ZNF609: variants seen among roughly 807,000 people sequenced by gnomAD.
ZNF609 encodes the protein zinc finger protein 609.
Under a neutral mutation model 109.5 loss-of-function variants are expected in ZNF609, and 11 were observed. That is an observed-to-expected ratio of 0.10 (90% CI 0.06 to 0.17). ZNF609 has a LOEUF of 0.17. Ranked by LOEUF, ZNF609 falls within the 10% of genes least tolerant of loss-of-function variation. The pLI is 1.00. For synonymous variants in ZNF609, 646 were observed against 662.0 expected, an observed-to-expected ratio of 0.98 and a Z score of 0.37; for missense variants, 1,559 against 1,772.4, an observed-to-expected ratio of 0.88 and a Z score of 2.16.
intron 2 of ZNF609, among the ~76,000 whole-genome samples, chr15:64,570,190 C>T (rs1345419622): frequency 6.6e-6 from 1 of 152,204 alleles, no homozygotes; most frequent in Non-Finnish European, 1.5e-5. Context: ...CCACTTTATA[C>T]ATGAGCATAG....
rs557854690 is a variant in ZNF609, at chr15:64,624,228, A to AG, written c.973+1177dup. Among the ~76,000 whole-genome samples the AG allele has an allele frequency of 2.4e-3, 365 of 152,314 alleles. 2 individuals are homozygous for AG. The highest frequency in any genetic ancestry group is 8.5e-3 in the African/African-American group (352 of 41,564). The stretch of plus-strand genomic sequence containing the variant: ...CTAATGAGGTTTTATTGTGTGCCTG[A>AG]GTGGTAGAAGCTGATGCAGAGAAGG... On this transcript the variant is annotated intron_variant, in intron 3 of 9. Transcript: ENST00000326648.
At chr15:64,484,810 C>G (rs968911704) in intron 1 of ZNF609, among the ~76,000 whole-genome samples, 10 of 150,792 alleles carry the variant, frequency 6.6e-5, no homozygotes, top group African/African-American at 2.4e-4. Context: ...CCCATCTCTA[C>G]TAAAAATACA....
intron 2 of ZNF609, among the ~76,000 whole-genome samples, chr15:64,600,410 A>G (rs1895475673): frequency 6.9e-6 from 1 of 145,040 alleles, no homozygotes; most frequent in Non-Finnish European, 1.5e-5. Flanking sequence ...AGAATGCGCC[A>G]CTGCACTCCA....
chr15:64,513,238 C>T (rs1290497213), intron 2 of ZNF609, among the ~76,000 whole-genome samples: 1 of 152,104 alleles, frequency 6.6e-6, no homozygotes, highest in Non-Finnish European at 1.5e-5. Context: ...TACAAAGTGA[C>T]TACACATTTA....
chr15:64,610,799 C>G (rs1026667109), intron 2 of ZNF609, among the ~76,000 whole-genome samples: 2 of 152,132 alleles, frequency 1.3e-5, no homozygotes, highest in African/African-American at 4.8e-5. Context: ...CTCATGTTTT[C>G]TCACAGGACT....
At chr15:64,634,252 T>C (rs1439633892) in intron 3 of ZNF609, among the ~76,000 whole-genome samples, 1 of 152,160 alleles carries the variant, frequency 6.6e-6, no homozygotes, top group East Asian at 1.9e-4. Context: ...ACTCTGTGGT[T>C]GAGCCCTTTG....
chr15:64,538,403 A>T (rs1277760344), intron 2 of ZNF609, among the ~76,000 whole-genome samples: 1 of 152,220 alleles, frequency 6.6e-6, no homozygotes, highest in Non-Finnish European at 1.5e-5. Flanking sequence ...TTTAGTTTAT[A>T]GACTGGTTTA....
rs573756229 is a variant in ZNF609, at chr15:64,573,284, A to C, written c.748-49543A>C. 3.3e-5 allele frequency among the ~76,000 whole-genome samples: 5 copies of C among 149,804 alleles called. No homozygotes were observed. In the South Asian group the frequency reaches 8.5e-4, roughly 25 times the overall value. On this transcript the variant is annotated intron_variant, in intron 2 of 9. Coordinates refer to ENST00000326648, the MANE Select transcript of ZNF609 (RefSeq NM_015042.2). ...CCCATGGAATACTTTCCATTAAATC[A>C]TAATCTGTATTTTCAAAAAGCAGTG... is the stretch of plus-strand genomic sequence containing the variant.
intron 3 of ZNF609, among the ~76,000 whole-genome samples, chr15:64,634,302 A>G (rs1042449947): frequency 2.0e-5 from 3 of 152,126 alleles, no homozygotes; most frequent in Admixed American, 6.5e-5. Flanking sequence ...TATCAGAGTA[A>G]TAGGCTATGG....
chr15:64,633,025 C>T (rs933651967), intron 3 of ZNF609, among the ~76,000 whole-genome samples: 9 of 151,746 alleles, frequency 5.9e-5, no homozygotes, highest in Non-Finnish European at 1.3e-4. Context: ...CTCTAGCAAT[C>T]GTCCTGCCTC....
At chr15:64,538,847 T>C (rs1479806971) in intron 2 of ZNF609, among the ~76,000 whole-genome samples, 1 of 151,984 alleles carries the variant, frequency 6.6e-6, no homozygotes, top group East Asian at 1.9e-4. Flanking sequence ...GCTGGACTGG[T>C]TTTATTTTTT....
intron 2 of ZNF609, among the ~76,000 whole-genome samples, chr15:64,525,594 A>C (rs575223763): frequency 1.1e-4 from 17 of 152,292 alleles, no homozygotes; most frequent in African/African-American, 3.8e-4. Context: ...TCAGCTTGTC[A>C]ATTTCTGCAA....
intron 1 of ZNF609, among the ~76,000 whole-genome samples, chr15:64,479,524 C>T (rs768717467): frequency 2.6e-5 from 4 of 151,812 alleles, no homozygotes; most frequent in African/African-American, 4.8e-5. Flanking sequence ...ATCTCCTGAC[C>T]TTGTGATCCG....
chr15:64,479,988 A>G (rs1413586733), intron 1 of ZNF609, among the ~76,000 whole-genome samples: 1 of 34,790 alleles, frequency 2.9e-5, no homozygotes, highest in African/African-American at 4.7e-5. Context: ...TAATCCTAAC[A>G]CTTTGGGAGG....
At chr15:64,640,111 CA>C (rs1344401501) in intron 3 of ZNF609, among the ~76,000 whole-genome samples, 1 of 152,052 alleles carries the variant, frequency 6.6e-6, no homozygotes, top group Non-Finnish European at 1.5e-5. Context: ...TTAGTAGAGA[CA>C]GTGTTTCACC....
Position 64,675,265 on chromosome 15 carries a change from G to A in ZNF609, c.2411G>A (p.Ser804Asn), listed in dbSNP as rs1896791891. ...KIYSFTDNAP[S>N]PSIGGSSRLE... ...TACAGTTTCACGGACAATGCCCCCA[G>A]CCCTTCCATTGGAGGCAGTAGCCGC... Residue 804 changes from serine (S) to asparagine (N), a missense_variant, in exon 5 of 10, where the codon AGC (serine) becomes AAC (asparagine). Physicochemically the swap from Ser to Asn is conservative, Grantham distance 46. Transcript: ENST00000326648. 5.0e-6 allele frequency: 8 copies of A among 1,613,916 alleles called. No homozygotes were observed. Among genetic ancestry groups the A allele is most frequent in the Non-Finnish European group, 6.8e-6 (8 of 1,180,038 alleles).
intron 1 of ZNF609, among the ~76,000 whole-genome samples, chr15:64,475,669 G>A (rs565255410): frequency 6.6e-6 from 1 of 151,892 alleles, no homozygotes; most frequent in South Asian, 2.1e-4. Context: ...TGGATTACAG[G>A]CATGAGCCAC....
chr15:64,676,065 G>C lies in ZNF609; in HGVS notation c.3211G>C (p.Gly1071Arg). 1 of 1,614,230 alleles carries C rather than the reference G, an allele frequency of 6.2e-7. No individual in the cohort carries two copies. The highest frequency in any genetic ancestry group is 8.5e-7 in the Non-Finnish European group (1 of 1,180,042). The change falls in exon 5 of 10, where the codon GGG (glycine) becomes CGG (arginine). Residue 1071 changes from glycine (G) to arginine (R), a missense_variant. By Grantham distance (125) the Gly-to-Arg change is moderately radical. Transcript: ENST00000326648. ...KSGPGKAKEP[G>R]ADPAKSVIIP... Reference sequence around the variant, plus strand: ...AGGACCTGGCAAGGCCAAGGAGCCAGGGGCTGACCCAGCCAAATCAGTCAT... The same window carrying C: ...AGGACCTGGCAAGGCCAAGGAGCCACGGGCTGACCCAGCCAAATCAGTCAT...
chr15:64,533,483 T>A (rs1894092726), intron 2 of ZNF609, among the ~76,000 whole-genome samples: 1 of 152,188 alleles, frequency 6.6e-6, no homozygotes, highest in East Asian at 1.9e-4. Flanking sequence ...GTTCAAAGTT[T>A]TTTCTGTTGC....
Sources: gnomAD v4.1 joint callset for allele counts (sites outside exome capture counted in the v4.1 genomes callset) on GRCh38, gnomAD v4.1.1 for gene constraint, MANE v1.5 for transcripts, NCBI Gene and HGNC (gene_info 2026-07-23, HGNC 2026-07-21) for gene names.